Variants in SULF2 observed in about 807,000 individuals in gnomAD.
SULF2 encodes sulfatase 2, also known as extracellular sulfatase Sulf-2.
Under a neutral mutation model 107.7 loss-of-function variants are expected in SULF2, and 52 were observed. The observed-to-expected ratio is 0.48, with a 90% CI of 0.39 to 0.61. The LOEUF (loss-of-function observed/expected upper bound fraction) is 0.61, where lower values mean the gene tolerates loss of function less well. Among genes scored for constraint, SULF2 ranks in the 20% least tolerant of loss-of-function variants. SULF2 has a pLI of 0.00. For synonymous variants in SULF2, 460 were observed against 464.3 expected, an observed-to-expected ratio of 0.99 and a Z score of 0.12; for missense variants, 993 against 1,177.3, an observed-to-expected ratio of 0.84 and a Z score of 2.29.
intron 3 of SULF2, among the ~76,000 whole-genome samples, chr20:47,716,214 A>G (rs2089115928): frequency 6.6e-6 from 1 of 152,260 alleles, no homozygotes; most frequent in Non-Finnish European, 1.5e-5. Flanking sequence ...TTGTTCACTC[A>G]TTTAAATAAT....
rs946319546 is a variant in SULF2 at position 47,694,265 on chromosome 20, A to G, written c.568-3970T>C. 3.3e-5 allele frequency among the ~76,000 whole-genome samples: 5 copies of G among 152,150 alleles called. No individual in the cohort carries two copies. The highest frequency in any genetic ancestry group is 1.2e-4 in the African/African-American group (5 of 41,444). On this transcript the variant is annotated intron_variant, in intron 4 of 20. Transcript: ENST00000688720. The surrounding 1 kb of genome is among the most constrained non-coding windows in gnomAD (Gnocchi z 4.4). ...GCAGCATCCAGCGATGCTCAGGGGCAGCCAGGACAGCCACTGGGTGGATGT... is the reference window on the plus strand; with the variant it reads ...GCAGCATCCAGCGATGCTCAGGGGCGGCCAGGACAGCCACTGGGTGGATGT...
At chr20:47,750,953 C>G (rs909148235) in intron 2 of SULF2, among the ~76,000 whole-genome samples, 7 of 152,170 alleles carry the variant, frequency 4.6e-5, no homozygotes, top group African/African-American at 9.7e-5. Context: ...ATAGAAAATC[C>G]CAGCGATTCT....
intron 4 of SULF2, among the ~76,000 whole-genome samples, chr20:47,695,278 C>G (rs886265935): frequency 1.3e-5 from 2 of 151,488 alleles, no homozygotes; most frequent in African/African-American, 4.9e-5. Context: ...CTCTTAAAAG[C>G]TTTATTGTGG....
chr20:47,681,581 C>T (rs528382339), intron 7 of SULF2, among the ~76,000 whole-genome samples: 1 of 152,332 alleles, frequency 6.6e-6, no homozygotes, highest in Non-Finnish European at 1.5e-5. Context: ...CCTTCCCTTA[C>T]TTGCTGTAAA....
intron 4 of SULF2, among the ~76,000 whole-genome samples, chr20:47,698,475 T>C (rs2088457029): frequency 6.6e-6 from 1 of 151,952 alleles, no homozygotes; most frequent in Admixed American, 6.6e-5. Flanking sequence ...GCCAGGAAGC[T>C]GGGAGGATAT....
intron 5 of SULF2, among the ~76,000 whole-genome samples, chr20:47,686,919 G>C (rs1006820325): frequency 3.9e-5 from 6 of 152,116 alleles, no homozygotes; most frequent in African/African-American, 1.4e-4. Flanking sequence ...CTCAGGGCCT[G>C]ACCCGCCATG....
At chr20:47,769,287 G>A (rs376164521) in intron 1 of SULF2, among the ~76,000 whole-genome samples, 1 of 151,772 alleles carries the variant, frequency 6.6e-6, no homozygotes, top group Admixed American at 6.6e-5. Context: ...TGATCCACCC[G>A]CCTCGGCTTC....
intron 1 of SULF2, among the ~76,000 whole-genome samples, chr20:47,771,761 T>C (rs2090635106): frequency 6.6e-6 from 1 of 152,106 alleles, no homozygotes; most frequent in South Asian, 2.1e-4. Context: ...ATGGGGGTGC[T>C]GGGCCAGGGC....
At chr20:47,746,990 AAAAAATAT>A (rs1214186898) in intron 2 of SULF2, among the ~76,000 whole-genome samples, 83 of 64,854 alleles carry the variant, frequency 1.3e-3, no homozygotes, top group African/African-American at 4.1e-3. Flanking sequence ...AATAAAAAAA[AAAAAATAT>A]ATATATATAT....
chr20:47,667,728 G>C (rs1602593191), intron 11 of SULF2, among the ~76,000 whole-genome samples: 1 of 152,200 alleles, frequency 6.6e-6, no homozygotes, highest in East Asian at 1.9e-4. Context: ...CATTTAAAGA[G>C]AAGGGCCTGG....
chr20:47,758,155 A>T (rs2090337261), intron 1 of SULF2, among the ~76,000 whole-genome samples: 1 of 146,528 alleles, frequency 6.8e-6, no homozygotes. Context: ...TGGGCAAAAA[A>T]GTATTCCTTT....
At chr20:47,765,126 C>T (rs552446055) in intron 1 of SULF2, among the ~76,000 whole-genome samples, 117 of 152,052 alleles carry the variant, frequency 7.7e-4, no homozygotes, top group South Asian at 2.3e-3. Flanking sequence ...CCAAGGCGGG[C>T]GGATCACGAG....
At position 47,702,621 on chromosome 20, in the gene SULF2, G is replaced by T; in HGVS notation, c.465C>A (p.Pro155=). ...LNEYNGSYVP[P]GWKEWVGLLK... is the part of the protein sequence containing the mutation. ...GGAGTCCGACCCACTCCTTCCAGCC[G>T]GGTGGCACGTAGGAGCCGTTGTATT... The change falls in exon 4 of 21, where the codon CCC becomes CCA. Residue 155 remains proline, a synonymous_variant. Coordinates refer to ENST00000688720, the MANE Select transcript of SULF2 (RefSeq NM_001387048.1). The T allele has an allele frequency of 1.2e-6, 2 of 1,613,900 alleles. No homozygotes were observed. The highest frequency in any genetic ancestry group is 1.7e-6 in the Non-Finnish European group (2 of 1,180,012).
At chr20:47,722,180 A>G (rs1340224309) in intron 3 of SULF2, among the ~76,000 whole-genome samples, 1 of 152,238 alleles carries the variant, frequency 6.6e-6, no homozygotes, top group African/African-American at 2.4e-5. Context: ...TTCATGCTGG[A>G]TAAATGAGAT....
At position 47,773,536 on chromosome 20, in the gene SULF2, G is replaced by C. The variant is rs150709591; in HGVS notation, c.-101+11807C>G. On this transcript the variant is annotated intron_variant, in intron 1 of 20. Coordinates refer to ENST00000688720, the MANE Select transcript of SULF2 (RefSeq NM_001387048.1). ...GGAGGCTGGACACCCCTTTGCCCCA[G>C]CCCATGCCTTCTGGGCAGGCCACAC... Among the ~76,000 whole-genome samples the C allele has an allele frequency of 1.5e-3, 223 of 152,350 alleles. 1 individual carries two copies. Among genetic ancestry groups the C allele is most frequent in the African/African-American group, 5.1e-3 (210 of 41,582 alleles).
chr20:47,782,289 C>T (rs1023525850), intron 1 of SULF2, among the ~76,000 whole-genome samples: 6 of 152,214 alleles, frequency 3.9e-5, no homozygotes, highest in African/African-American at 1.2e-4. Context: ...AGTGAGGCCT[C>T]GTTCCCTAGC....
intron 17 of SULF2, 31 bp downstream of exon 17, chr20:47,663,039 C>G (rs888693422): frequency 3.7e-6 from 6 of 1,613,666 alleles, no homozygotes; most frequent in East Asian, 2.2e-5. Flanking sequence ...GTACCCCACA[C>G]CCCCATCCCT....
At chr20:47,782,439 G>A (rs1322587133) in intron 1 of SULF2, among the ~76,000 whole-genome samples, 1 of 152,098 alleles carries the variant, frequency 6.6e-6, no homozygotes, top group Non-Finnish European at 1.5e-5. Context: ...CCCATTCCAA[G>A]GAGGCCCAGA....
chr20:47,785,532 C>G (rs950823263), upstream of SULF2: 2 of 145,980 alleles, frequency 1.4e-5, no homozygotes, highest in African/African-American at 5.0e-5. Flanking sequence ...TCCCCGCCCC[C>G]CAACGCCGCC....
Sources: gnomAD v4.1 joint callset for allele counts (sites outside exome capture counted in the v4.1 genomes callset) on GRCh38, gnomAD v4.1.1 for gene constraint, Gnocchi (gnomAD v3.1) non-coding constraint, MANE v1.5 for transcripts, NCBI Gene and HGNC (gene_info 2026-07-23, HGNC 2026-07-21) for gene names.